WDR43: variants seen among roughly 807,000 people sequenced by gnomAD.
WDR43 encodes the protein WD repeat-containing protein 43.
A neutral mutation model predicts 91.4 loss-of-function variants in WDR43; 13 were observed. The ratio of observed to expected loss-of-function variants is 0.14; its 90% CI spans 0.09 to 0.23. The LOEUF (loss-of-function observed/expected upper bound fraction) is 0.23. Ranked by LOEUF, WDR43 falls within the 10% of genes least tolerant of loss-of-function variation. The pLI is 1.00. For synonymous variants in WDR43, 331 were observed against 287.9 expected (o/e 1.15, Z -1.51); for missense variants, 780 against 809.4 (o/e 0.96, Z 0.44).
intron 1 of WDR43, 39 bp downstream of exon 1, chr2:28,894,962 G>T: frequency 6.7e-7 from 1 of 1,483,962 alleles, no homozygotes. Context: ...GCGCCTTCCC[G>T]GGCTCGGCTT....
intron 4 of WDR43, chr2:28,913,851 C>A: frequency 1.5e-6 from 1 of 681,142 alleles, no homozygotes; most frequent in Non-Finnish European, 2.6e-6. Context: ...TTAGAAGGAA[C>A]ATCTAAATTT....
At chr2:28,943,023 AG>A (rs946850780) in intron 16 of WDR43, among the ~76,000 whole-genome samples, 33 of 152,384 alleles carry the variant, frequency 2.2e-4, no homozygotes, top group African/African-American at 7.9e-4. Flanking sequence ...TGACTTTAAA[AG>A]AAATAAAAAG....
intron 1 of WDR43, among the ~76,000 whole-genome samples, chr2:28,900,893 C>G (rs1219406464): frequency 6.6e-6 from 1 of 151,950 alleles, no homozygotes; most frequent in African/African-American, 2.4e-5. Flanking sequence ...GAATCAAATT[C>G]TTTAAATGTA....
intron 10 of WDR43, chr2:28,927,933 T>C (rs1187971966): frequency 6.6e-6 from 3 of 451,370 alleles, no homozygotes; most frequent in African/African-American, 6.0e-5. Context: ...TTTTGGCCAT[T>C]AGTTAGTAGT....
chr2:28,936,915 C>A lies in WDR43; in HGVS notation c.1525-7C>A, dbSNP rs777100870. 11 of 1,569,342 alleles carry A rather than the reference C, an allele frequency of 7.0e-6. No homozygotes were observed. Among genetic ancestry groups the A allele is most frequent in the East Asian group, 2.3e-5 (1 of 43,132 alleles). Reference sequence around the variant, plus strand: ...GCTGTTGTTAATAGTGTTTTTCTCTCCCTTAGCTTACAAAGAGGTTACAAG... The same window carrying A: ...GCTGTTGTTAATAGTGTTTTTCTCTACCTTAGCTTACAAAGAGGTTACAAG... On this transcript the variant is annotated splice_polypyrimidine_tract_variant and splice_region_variant and intron_variant, in intron 12 of 17. Coordinates refer to ENST00000407426, the MANE Select transcript of WDR43 (RefSeq NM_015131.3).
At chr2:28,934,635 C>T (rs1671305946) in intron 11 of WDR43, among the ~76,000 whole-genome samples, 1 of 152,136 alleles carries the variant, frequency 6.6e-6, no homozygotes, top group Non-Finnish European at 1.5e-5. Flanking sequence ...TTACTAATTA[C>T]TGAGACCAGG....
intron 5 of WDR43, among the ~76,000 whole-genome samples, chr2:28,915,520 A>C (rs1238244750): frequency 1.3e-5 from 2 of 152,248 alleles, no homozygotes; most frequent in Non-Finnish European, 2.9e-5. Flanking sequence ...GTTAATCTTA[A>C]GAACCTGAAT....
intron 14 of WDR43, among the ~76,000 whole-genome samples, chr2:28,938,479 A>G (rs1439393674): frequency 7.2e-6 from 1 of 138,556 alleles, no homozygotes; most frequent in Non-Finnish European, 1.5e-5. Context: ...GGAAAGCAAC[A>G]CCAGAAAAAA....
At chr2:28,904,165 A>G (rs924108525) in intron 2 of WDR43, among the ~76,000 whole-genome samples, 4 of 152,122 alleles carry the variant, frequency 2.6e-5, no homozygotes, top group African/African-American at 9.7e-5. Context: ...TTCGACAGGG[A>G]TGAATTTATC....
At chr2:28,921,934 G>A (rs1161796543) in intron 6 of WDR43, among the ~76,000 whole-genome samples, 1 of 151,938 alleles carries the variant, frequency 6.6e-6, no homozygotes, top group Non-Finnish European at 1.5e-5. Flanking sequence ...GTCTGGTCTC[G>A]AACTTCCAGG....
intron 2 of WDR43, among the ~76,000 whole-genome samples, chr2:28,905,375 AG>A (rs577219825): frequency 2.2e-4 from 33 of 152,278 alleles, no homozygotes; most frequent in African/African-American, 7.9e-4. Context: ...CGTGCCTCTT[AG>A]TGAGTGGGCA....
intron 6 of WDR43, 126 bp from the exon 7 acceptor site, chr2:28,922,793 C>CTG (rs1671057800): frequency 6.9e-6 from 3 of 432,944 alleles, no homozygotes; most frequent in Admixed American, 6.2e-5. Context: ...TGGATTCTTG[C>CTG]TGTGTTTTTT....
intron 14 of WDR43, among the ~76,000 whole-genome samples, chr2:28,940,132 A>AG (rs1671408000): frequency 6.7e-6 from 1 of 148,972 alleles, no homozygotes; most frequent in South Asian, 2.1e-4. Context: ...AAAAAAAAGA[A>AG]TGGAGTCCGT....
chr2:28,936,099 C>A (rs1671332687), intron 12 of WDR43, among the ~76,000 whole-genome samples: 1 of 151,988 alleles, frequency 6.6e-6, no homozygotes, highest in Non-Finnish European at 1.5e-5. Flanking sequence ...GGGAGGACTG[C>A]TTGAGCCCAG....
chr2:28,930,317 T>G (rs1337557892), intron 11 of WDR43, among the ~76,000 whole-genome samples: 1 of 152,246 alleles, frequency 6.6e-6, no homozygotes, highest in African/African-American at 2.4e-5. Context: ...TTCTACAGTT[T>G]GACAGCATTC....
At chr2:28,940,523 C>T (rs1180827165) in intron 14 of WDR43, among the ~76,000 whole-genome samples, 1 of 152,126 alleles carries the variant, frequency 6.6e-6, no homozygotes, top group Admixed American at 6.5e-5. Flanking sequence ...AGCCACCGCG[C>T]CCAGCTGCCA....
chr2:28,945,512 C>T (rs901286853), intron 16 of WDR43, among the ~76,000 whole-genome samples: 6 of 152,160 alleles, frequency 3.9e-5, no homozygotes, highest in Non-Finnish European at 7.3e-5. Context: ...TCACAGAATG[C>T]CCCACCTTAT....
chr2:28,927,920 C>G (rs1671173093), intron 10 of WDR43: 1 of 586,622 alleles, frequency 1.7e-6, no homozygotes, highest in Non-Finnish European at 2.7e-6. Flanking sequence ...AAAGAGGGTG[C>G]TGTTTTGGCC....
chr2:28,924,012 AG>A (rs1671083430), intron 7 of WDR43, among the ~76,000 whole-genome samples: 1 of 152,200 alleles, frequency 6.6e-6, no homozygotes, highest in Non-Finnish European at 1.5e-5. Context: ...TTGTGGAGTC[AG>A]GATGATAGGA....
Sources: allele counts gnomAD v4.1 joint callset (sites outside exome capture counted in the v4.1 genomes callset), GRCh38; gene constraint gnomAD v4.1.1; transcripts MANE v1.5; gene names NCBI Gene and HGNC (gene_info 2026-07-23, HGNC 2026-07-21).